Variants in KAZN observed in about 807,000 individuals in gnomAD.
KAZN encodes the protein kazrin, periplakin interacting protein.
KAZN carries 40 observed loss-of-function variants against 87.4 expected under a neutral mutation model. The observed-to-expected ratio is 0.46, with a 90% CI of 0.36 to 0.60. The LOEUF (loss-of-function observed/expected upper bound fraction) is 0.60, where lower values mean the gene tolerates loss of function less well. Among genes scored for constraint, KAZN ranks in the 20% least tolerant of loss-of-function variants. The probability of loss-of-function intolerance (pLI) is 0.00; values close to 1 mark genes in which losing one functional copy is unlikely to be tolerated. For missense variants in KAZN, 898 were observed against 1,073.9 expected, an observed-to-expected ratio of 0.84 and a Z score of 2.29; for synonymous variants, 466 against 458.3, an observed-to-expected ratio of 1.02 and a Z score of -0.22.
chr1:14,436,483 C>T (rs1272457148), intron 2 of KAZN, among the ~76,000 whole-genome samples: 1 of 151,764 alleles, frequency 6.6e-6, no homozygotes, highest in Non-Finnish European at 1.5e-5. Context: ...TTTGAGAGGC[C>T]GAGGCAGGCA....
At chr1:14,541,168 A>G (rs979458576) in intron 2 of KAZN, among the ~76,000 whole-genome samples, 2 of 152,222 alleles carry the variant, frequency 1.3e-5, no homozygotes, top group African/African-American at 4.8e-5. Flanking sequence ...GTTTTCTGTC[A>G]ACCGATCTCA....
chr1:14,827,629 G>A (rs2100858624), intron 1 of KAZN, among the ~76,000 whole-genome samples: 1 of 152,338 alleles, frequency 6.6e-6, no homozygotes, highest in Admixed American at 6.5e-5. Flanking sequence ...AAGAGGGAGT[G>A]GGTCCCAGAG....
In KAZN at chr1:14,945,835, C is replaced by T. The variant is rs933506516; in HGVS notation, c.227-14849C>T. ...CCCACCAAAGGGCAAGTGTCCGCTC[C>T]GGCCCGGAAGACTTGGGCAGCCTGA... On this transcript the variant is annotated intron_variant, in intron 1 of 14. Transcript: ENST00000376030. The T allele has an allele frequency of 5.7e-5, 56 of 983,790 alleles. 1 individual carries two copies. The highest frequency in any genetic ancestry group is 5.6e-4 in the South Asian group (12 of 21,250). The allele number at this position is 983,790 out of a possible 1,614,324, so 60.9% of individuals were successfully genotyped here. A position where few individuals can be genotyped will look rare whatever the true frequency, so the allele number is the denominator to read the frequency against.
chr1:14,040,977 A>T (rs560505178), intron 1 of KAZN, among the ~76,000 whole-genome samples: 1 of 152,272 alleles, frequency 6.6e-6, no homozygotes, highest in African/African-American at 2.4e-5. Flanking sequence ...TTAACCAAGT[A>T]ATGCACATGT....
chr1:14,829,223 C>T (rs1646985643), intron 1 of KAZN, among the ~76,000 whole-genome samples: 1 of 152,220 alleles, frequency 6.6e-6, no homozygotes, highest in Non-Finnish European at 1.5e-5. Context: ...GCATGAATAA[C>T]AGAGCTATGG....
At chr1:13,923,400 C>T (rs548315268) in intron 1 of KAZN, among the ~76,000 whole-genome samples, 26 of 151,622 alleles carry the variant, frequency 1.7e-4, no homozygotes, top group Non-Finnish European at 3.2e-4. Context: ...GGTGAAACCC[C>T]GTCTCTACTA....
At chr1:14,729,876 A>G (rs745805308) in intron 1 of KAZN, among the ~76,000 whole-genome samples, 4 of 152,186 alleles carry the variant, frequency 2.6e-5, no homozygotes, top group African/African-American at 4.8e-5. Flanking sequence ...AAAGAGGCAT[A>G]TCTACCTATT....
intron 2 of KAZN, among the ~76,000 whole-genome samples, chr1:14,527,588 T>C (rs373923236): frequency 1.3e-5 from 2 of 149,414 alleles, no homozygotes; most frequent in East Asian, 3.9e-4. Flanking sequence ...ATCTGGCTCA[T>C]GGTTCTGCAG....
intron 2 of KAZN, among the ~76,000 whole-genome samples, chr1:14,193,080 T>C (rs1036460490): frequency 6.6e-6 from 1 of 152,076 alleles, no homozygotes; most frequent in African/African-American, 2.4e-5. Context: ...TCTCAAAAGA[T>C]CTGATGGTTT....
chr1:14,514,581 TA>T (rs1047263098), intron 2 of KAZN, among the ~76,000 whole-genome samples: 6 of 119,690 alleles, frequency 5.0e-5, no homozygotes, highest in Non-Finnish European at 6.5e-5. Context: ...ATATTTTATA[TA>T]TTTTTTTATA....
At chr1:14,440,128 C>T (rs1666614732) in intron 2 of KAZN, among the ~76,000 whole-genome samples, 1 of 152,228 alleles carries the variant, frequency 6.6e-6, no homozygotes, top group African/African-American at 2.4e-5. Context: ...ACATCTTTAT[C>T]TGTCTAGTTC....
At chr1:14,471,574 C>T (rs189600832) in intron 2 of KAZN, among the ~76,000 whole-genome samples, 2 of 152,180 alleles carry the variant, frequency 1.3e-5, no homozygotes, top group Non-Finnish European at 2.9e-5. Context: ...AACTGATGTT[C>T]CAGAAGACAG....
chr1:14,319,705 G>C (rs983856807), intron 2 of KAZN, among the ~76,000 whole-genome samples: 1 of 152,174 alleles, frequency 6.6e-6, no homozygotes, highest in Non-Finnish European at 1.5e-5. Context: ...GGCTTGCCTT[G>C]TTTGTTTCCC....
intron 1 of KAZN, among the ~76,000 whole-genome samples, chr1:14,763,321 C>CTG (rs1407437274): frequency 6.6e-6 from 1 of 152,340 alleles, no homozygotes; most frequent in East Asian, 1.9e-4. Context: ...TCCTCTTTCA[C>CTG]TGTGTGTATG....
chr1:14,844,021 C>G (rs1432943751), intron 1 of KAZN, among the ~76,000 whole-genome samples: 1 of 152,198 alleles, frequency 6.6e-6, no homozygotes, highest in East Asian at 1.9e-4. Flanking sequence ...TACGCCTCTC[C>G]CTCATCCTCA....
chr1:15,081,204 A>G lies in KAZN; in HGVS notation c.1223-12976A>G, dbSNP rs558329252. ...TTAGAGGGCTCATTCAATTGCAGGC[A>G]GTGCTGGGCCAGGGCTGGCTCACAC... On this transcript the variant is annotated intron_variant, in intron 8 of 14. Coordinates refer to ENST00000376030, the MANE Select transcript of KAZN (RefSeq NM_201628.3). This position sits in a 1 kb window ranked among gnomAD's most constrained non-coding sequence, Gnocchi z 4.1. Among the ~76,000 whole-genome samples, 28 of 152,310 alleles carry G rather than the reference A, an allele frequency of 1.8e-4. No individual in the cohort carries two copies. Among genetic ancestry groups the G allele is most frequent in the Non-Finnish European group, 4.4e-5 (3 of 68,004 alleles).
At chr1:14,029,873 T>C (rs1215758312) in intron 1 of KAZN, among the ~76,000 whole-genome samples, 1 of 152,332 alleles carries the variant, frequency 6.6e-6, no homozygotes, top group African/African-American at 2.4e-5. Context: ...TTTCGGTTAC[T>C]GTAGCCTTGT....
chr1:14,468,835 T>G (rs193150236), intron 2 of KAZN, among the ~76,000 whole-genome samples: 35 of 152,338 alleles, frequency 2.3e-4, no homozygotes, highest in African/African-American at 8.4e-4. Context: ...GTCAACCGTT[T>G]GCAAGATGGT....
intron 2 of KAZN, among the ~76,000 whole-genome samples, chr1:14,245,995 T>C (rs1358392357): frequency 6.6e-6 from 1 of 152,226 alleles, no homozygotes; most frequent in Admixed American, 6.5e-5. Context: ...AGTATTAATG[T>C]AGCCATAAAA....
Sources: gnomAD v4.1 joint callset for allele counts (sites outside exome capture counted in the v4.1 genomes callset) on GRCh38, gnomAD v4.1.1 for gene constraint, Gnocchi (gnomAD v3.1) non-coding constraint, MANE v1.5 for transcripts, NCBI Gene and HGNC (gene_info 2026-07-23, HGNC 2026-07-21) for gene names.